MTMR6: variants seen among roughly 807,000 people sequenced by gnomAD.
The protein encoded by MTMR6 is phosphatidylinositol-3,5-bisphosphate 3-phosphatase MTMR6.
In MTMR6, 47 loss-of-function variants were observed where a neutral mutation model predicts 80.1. The observed-to-expected ratio is 0.59, with a 90% confidence interval of 0.46 to 0.75. MTMR6 has a LOEUF of 0.75. Among genes scored for constraint, MTMR6 ranks in the 30% least tolerant of loss-of-function variants. The pLI, the probability that MTMR6 is intolerant of heterozygous loss-of-function variation, is 0.00. For synonymous variants in MTMR6, 254 were observed against 253.0 expected (o/e 1.00, Z -0.04); for missense variants, 629 against 730.9 (o/e 0.86, Z 1.61).
chr13:25,274,212 C>T lies in MTMR6; in HGVS notation c.25-25G>A, dbSNP rs778990644. 64 of 1,465,356 alleles carry T rather than the reference C, an allele frequency of 4.4e-5. 2 individuals are homozygous for T. In the South Asian group the frequency reaches 7.0e-4, roughly 16 times the overall value. 90.8% of individuals were successfully genotyped at this position (1,465,356 alleles called of 1,614,324 possible). A position where few individuals can be genotyped will look rare whatever the true frequency, so the allele number is the denominator to read the frequency against. On this transcript the variant is annotated intron_variant, in intron 1 of 13. Transcript: ENST00000381801. ...CCTAAAAGAAAAAAAGATATTATTTCTCATTTCAAAAGTAGTATAAATTAT... is the reference window on the plus strand; with the variant it reads ...CCTAAAAGAAAAAAAGATATTATTTTTCATTTCAAAAGTAGTATAAATTAT...
Position 25,266,163 on chromosome 13 carries a change from T to C in MTMR6, c.428A>G (p.His143Arg), listed in dbSNP as rs766594014. The change falls in exon 4 of 14, where the codon CAC (histidine) becomes CGC (arginine). Residue 143 changes from histidine (H) to arginine (R), a missense_variant. Physicochemically the swap from His to Arg is conservative, Grantham distance 29. Transcript: ENST00000381801. ...CCGGTTGGCATCAGACAACTGCCAGTGTGAGTTTGGCACTCCCATCCTCTT... is the reference window on the plus strand; with the variant it reads ...CCGGTTGGCATCAGACAACTGCCAGCGTGAGTTTGGCACTCCCATCCTCTT... The part of the protein sequence containing the change: ...EYKRMGVPNS[H>R]WQLSDANRDY... 5 of 1,613,910 alleles carry C rather than the reference T, an allele frequency of 3.1e-6. No homozygotes were observed. In the South Asian group the frequency reaches 3.3e-5, roughly 11 times the overall value.
chr13:25,272,129 T>A (rs1957593535), intron 2 of MTMR6, among the ~76,000 whole-genome samples: 1 of 152,126 alleles, frequency 6.6e-6, no homozygotes, highest in Admixed American at 6.5e-5. Context: ...TAAAAATGAA[T>A]CCCTAGTCAC....
chr13:25,268,459 G>A (rs772458347), intron 2 of MTMR6, among the ~76,000 whole-genome samples: 8 of 151,516 alleles, frequency 5.3e-5, no homozygotes, highest in East Asian at 1.9e-4. Flanking sequence ...CAAATGCACC[G>A]AGCTCCTTTA....
rs1957092520 is a variant in MTMR6, at chr13:25,251,710, A to G, written c.1544T>C (p.Ile515Thr). 1.9e-6 allele frequency: 3 copies of G among 1,576,136 alleles called. No homozygotes were observed. The highest frequency in any genetic ancestry group is 2.7e-5 in the African/African-American group (2 of 73,822). ...ATTTTGCTCATTCATATTCATAATT[A>G]TATTAAATACAGACTGCCTAGGATG... is the stretch of plus-strand genomic sequence containing the variant. Reference protein sequence around the residue: ...TLHPRQSVFNIIMNMNEQNKQ... With the variant: ...TLHPRQSVFNTIMNMNEQNKQ... Residue 515 changes from isoleucine to threonine, a missense_variant, in exon 13 of 14, where the codon ATA becomes ACA. By Grantham distance (89) the Ile-to-Thr change is moderately conservative (BLOSUM62 -1). Transcript: ENST00000381801. This position sits in a 1 kb window ranked among gnomAD's most constrained non-coding sequence, Gnocchi z 4.1.
At chr13:25,259,069 C>T (rs1251738698) in intron 6 of MTMR6, among the ~76,000 whole-genome samples, 2 of 152,128 alleles carry the variant, frequency 1.3e-5, no homozygotes, top group Non-Finnish European at 2.9e-5. Context: ...TTTCCTTTTA[C>T]AGAATGAACC....
chr13:25,260,656 T>G (rs1376801702), intron 6 of MTMR6: 1 of 1,287,296 alleles, frequency 7.8e-7, no homozygotes, highest in Non-Finnish European at 1.0e-6. Context: ...GCCAATGTCC[T>G]TTTGTGTAGC....
At position 25,249,074 on chromosome 13, in the gene MTMR6, T is replaced by C; in HGVS notation, c.*158A>G. 1 of 681,040 alleles carries C rather than the reference T, an allele frequency of 1.5e-6. No homozygotes were observed. The highest frequency in any genetic ancestry group is 2.4e-6 in the Non-Finnish European group (1 of 421,276). 42.2% of individuals were successfully genotyped at this position (681,040 alleles called of 1,614,324 possible). ...GGAAATGCAATTAAAATGACTTATT[T>C]CTCTCACAAGGGTAGTTATTATCCT... On this transcript the variant is annotated 3_prime_UTR_variant, in exon 14 of 14. Coordinates refer to ENST00000381801, the MANE Select transcript of MTMR6 (RefSeq NM_004685.5).
rs575566901 is a variant in MTMR6, at chr13:25,270,533, T to C, written c.142-2592A>G. On this transcript the variant is annotated intron_variant, in intron 2 of 13. Coordinates refer to ENST00000381801, the MANE Select transcript of MTMR6 (RefSeq NM_004685.5). ...AGCCTTCATTTATATCTCTACGAGA[T>C]GGATAATAGAGAAAATACTGAAGCA... Among the ~76,000 whole-genome samples the C allele has an allele frequency of 3.3e-5, 5 of 152,154 alleles. No homozygotes were observed. The South Asian group carries it at 6.2e-4, about 19-fold the overall frequency.
At chr13:25,273,282 C>G (rs1290688015) in intron 2 of MTMR6, among the ~76,000 whole-genome samples, 1 of 151,864 alleles carries the variant, frequency 6.6e-6, no homozygotes, top group Admixed American at 6.6e-5. Context: ...AATTTTACTC[C>G]CAGACAAATA....
chr13:25,267,834 G>A lies in MTMR6; in HGVS notation c.249C>T (p.Pro83=). Residue 83 remains proline (P), a synonymous_variant, in exon 3 of 14, where the codon CCC becomes CCT. Coordinates refer to ENST00000381801, the MANE Select transcript of MTMR6 (RefSeq NM_004685.5). ...AAATATCATGGCAATCTCTTTCTCT[G>A]GGAACAATGAAATGCACAGTTCTGA... The part of the protein sequence containing the change: ...KNFRTVHFIV[P]RERDCHDIYN... The A allele has an allele frequency of 6.2e-7, 1 of 1,613,762 alleles. No homozygotes were observed. Among genetic ancestry groups the A allele is most frequent in the Non-Finnish European group, 8.5e-7 (1 of 1,179,822 alleles).
At chr13:25,268,539 A>G (rs1957503584) in intron 2 of MTMR6, among the ~76,000 whole-genome samples, 1 of 152,190 alleles carries the variant, frequency 6.6e-6, no homozygotes, top group South Asian at 2.1e-4. Context: ...ACTTCTAGAC[A>G]CATTTCTGGT....
intron 1 of MTMR6, among the ~76,000 whole-genome samples, chr13:25,281,590 C>T (rs1239084178): frequency 6.6e-6 from 1 of 152,156 alleles, no homozygotes; most frequent in Non-Finnish European, 1.5e-5. Flanking sequence ...CTGTGACCAA[C>T]AGTTGTACTT....
At chr13:25,286,042 T>C (rs1957948866) in intron 1 of MTMR6, among the ~76,000 whole-genome samples, 1 of 152,130 alleles carries the variant, frequency 6.6e-6, no homozygotes, top group African/African-American at 2.4e-5. Context: ...TAAGCACCCT[T>C]CCATTTTCAA....
chr13:25,269,295 A>T (rs1957518156), intron 2 of MTMR6, among the ~76,000 whole-genome samples: 1 of 152,212 alleles, frequency 6.6e-6, no homozygotes, highest in Non-Finnish European at 1.5e-5. Context: ...TGAATGCCCA[A>T]GCCAGAAATA....
intron 8 of MTMR6, 81 bp downstream of exon 8, chr13:25,257,655 A>T (rs778129033): frequency 5.1e-6 from 5 of 989,636 alleles, no homozygotes; most frequent in Non-Finnish European, 7.7e-6. Context: ...TGATGAATAG[A>T]TACCAGCCCC....
intron 1 of MTMR6, among the ~76,000 whole-genome samples, chr13:25,274,515 A>G (rs896628439): frequency 6.6e-6 from 1 of 152,190 alleles, no homozygotes; most frequent in Non-Finnish European, 1.5e-5. Context: ...ATTTTTATCT[A>G]AAGTTGGAAA....
At chr13:25,264,654 C>T (rs146706183) in intron 5 of MTMR6, among the ~76,000 whole-genome samples, 2,043 of 147,398 alleles carry the variant, frequency 0.014, 62 homozygotes, top group African/African-American at 0.048. Flanking sequence ...ACTCAGGAGG[C>T]TGGGGCAGGA....
intron 1 of MTMR6, among the ~76,000 whole-genome samples, chr13:25,285,935 A>G (rs1244009334): frequency 3.3e-5 from 5 of 152,186 alleles, no homozygotes; most frequent in Non-Finnish European, 7.3e-5. Context: ...CTTAGCTACT[A>G]CATAATACAT....
chr13:25,248,620 C>G lies in MTMR6; in HGVS notation c.*612G>C, dbSNP rs145816129. On this transcript the variant is annotated 3_prime_UTR_variant, in exon 14 of 14. Coordinates refer to ENST00000381801, the MANE Select transcript of MTMR6 (RefSeq NM_004685.5). Reference sequence around the variant, plus strand: ...GTTTATATAGAAGTATTGTAGCATGCACCCCCAGCAGTAATGAGAGCACAA... The same window carrying G: ...GTTTATATAGAAGTATTGTAGCATGGACCCCCAGCAGTAATGAGAGCACAA... The G allele has an allele frequency of 1.1e-4, 17 of 152,546 alleles. No homozygotes were observed. Among genetic ancestry groups the G allele is most frequent in the African/African-American group, 3.4e-4 (14 of 41,524 alleles). 9.4% of individuals were successfully genotyped at this position (152,546 alleles called of 1,614,324 possible).
Sources: gnomAD v4.1 joint callset for allele counts (sites outside exome capture counted in the v4.1 genomes callset) on GRCh38, gnomAD v4.1.1 for gene constraint, Gnocchi (gnomAD v3.1) non-coding constraint, MANE v1.5 for transcripts, NCBI Gene and HGNC (gene_info 2026-07-23, HGNC 2026-07-21) for gene names.